RAD51: variants seen among roughly 807,000 people sequenced by gnomAD.
The protein encoded by RAD51 is RAD51 recombinase.
Under a neutral mutation model 41.5 loss-of-function variants are expected in RAD51, and 14 were observed. The ratio of observed to expected loss-of-function variants is 0.34; its 90% CI spans 0.22 to 0.53. The LOEUF (loss-of-function observed/expected upper bound fraction) is 0.53, where lower values mean the gene tolerates loss of function less well. Among genes scored for constraint, RAD51 ranks in the 20% least tolerant of loss-of-function variants. The pLI is 0.95. For missense variants in RAD51, 234 were observed against 422.0 expected, an observed-to-expected ratio of 0.55 and a Z score of 3.90; for synonymous variants, 136 against 148.6, an observed-to-expected ratio of 0.92 and a Z score of 0.62.
chr15:40,695,784 A>G (rs1165452079), intron 1 of RAD51: 4 of 152,218 alleles, frequency 2.6e-5, no homozygotes, highest in South Asian at 2.1e-4. Context: ...GAAAGTACCA[A>G]TCTCCGATTG....
intron 5 of RAD51, among the ~76,000 whole-genome samples, chr15:40,716,807 G>A (rs1430022196): frequency 2.0e-5 from 3 of 150,564 alleles, no homozygotes; most frequent in African/African-American, 4.9e-5. Context: ...ACTACAGGTG[G>A]CCGCCACCAC....
chr15:40,730,608 G>A lies in RAD51; in HGVS notation c.897-447G>A, dbSNP rs1367912416. On this transcript the variant is annotated intron_variant, in intron 9 of 9. Transcript: ENST00000267868. ...ACGATCTCGGCTCACTGCAAGCTCC[G>A]CCTCCCGGGTTCACACCATTCTCCT... Among the ~76,000 whole-genome samples, 3 of 134,038 alleles carry A rather than the reference G, an allele frequency of 2.2e-5. No individual in the cohort carries two copies. The East Asian group carries it at 7.5e-4, about 33-fold the overall frequency. 87.9% of individuals were successfully genotyped at this position (134,038 alleles called of 152,430 possible).
intron 6 of RAD51, among the ~76,000 whole-genome samples, chr15:40,720,099 A>G (rs1896196291): frequency 6.6e-6 from 1 of 152,100 alleles, no homozygotes. Context: ...GCCCTGCTAA[A>G]GGGCATCTGT....
chr15:40,696,863 C>CATCT (rs1053147849), intron 1 of RAD51, among the ~76,000 whole-genome samples: 1 of 152,136 alleles, frequency 6.6e-6, no homozygotes, highest in Non-Finnish European at 1.5e-5. Context: ...TGATGTTGGA[C>CATCT]ATCTGTTCAT....
chr15:40,722,420 A>C (rs1278237006), intron 6 of RAD51, among the ~76,000 whole-genome samples: 21 of 149,980 alleles, frequency 1.4e-4, no homozygotes, highest in Admixed American at 1.3e-4. Context: ...GCTCGGGGAA[A>C]AAAAAAAAAA....
intron 6 of RAD51, among the ~76,000 whole-genome samples, chr15:40,726,257 T>C (rs891032245): frequency 6.6e-6 from 1 of 151,178 alleles, no homozygotes; most frequent in Non-Finnish European, 1.5e-5. Context: ...TTTTTTTTTT[T>C]TTTGAGACGG....
intron 6 of RAD51, among the ~76,000 whole-genome samples, chr15:40,724,271 C>T (rs976228325): frequency 6.6e-6 from 1 of 152,166 alleles, no homozygotes; most frequent in African/African-American, 2.4e-5. Flanking sequence ...TTTTGGCAAT[C>T]ATGTACAGCA....
chr15:40,706,329 A>C (rs755324944), intron 4 of RAD51, 35 bp downstream of exon 4: 1 of 1,478,116 alleles, frequency 6.8e-7, no homozygotes, highest in Non-Finnish European at 9.5e-7. Flanking sequence ...TGTGAACTCT[A>C]GTTAGGAAAG....
chr15:40,730,662 C>T (rs2141885936), intron 9 of RAD51, among the ~76,000 whole-genome samples: 1 of 151,136 alleles, frequency 6.6e-6, no homozygotes, highest in East Asian at 2.0e-4. Context: ...GCTGGGACTA[C>T]AGGCACCCGC....
At chr15:40,697,786 G>T (rs2928139) in intron 1 of RAD51, among the ~76,000 whole-genome samples, 6 of 151,838 alleles carry the variant, frequency 4.0e-5, no homozygotes, top group Admixed American at 6.6e-5. Flanking sequence ...CTCCTGACCT[G>T]GTGATCCACC....
At chr15:40,711,146 G>A (rs1895686342) in intron 5 of RAD51, among the ~76,000 whole-genome samples, 1 of 152,196 alleles carries the variant, frequency 6.6e-6, no homozygotes, top group Non-Finnish European at 1.5e-5. Flanking sequence ...TGTAATCCCA[G>A]TACTTTGGGA....
intron 6 of RAD51, among the ~76,000 whole-genome samples, chr15:40,724,510 T>A (rs893359980): frequency 2.1e-4 from 32 of 152,004 alleles, no homozygotes; most frequent in African/African-American, 7.7e-4. Context: ...AAATTTTTTG[T>A]TGTTTGTTTT....
At chr15:40,706,836 T>TA (rs1408690729) in intron 4 of RAD51, among the ~76,000 whole-genome samples, 2 of 152,142 alleles carry the variant, frequency 1.3e-5, no homozygotes, top group African/African-American at 4.8e-5. Context: ...GTTAAGAGAG[T>TA]AAGCTCCTTT....
rs142701178 is a variant in RAD51, at chr15:40,729,531, C to G, written c.671C>G (p.Ala224Gly). The part of the protein sequence containing the change: ...SRYALLIVDS[A>G]TALYRTDYSG... Reference sequence around the variant, plus strand: ...TATGCACTGCTTATTGTAGACAGTGCCACCGCCCTTTACAGAACAGACTAC... The same window carrying G: ...TATGCACTGCTTATTGTAGACAGTGGCACCGCCCTTTACAGAACAGACTAC... The change falls in exon 8 of 10, where the codon GCC becomes GGC. Residue 224 changes from alanine (A) to glycine (G), a missense_variant. Coordinates refer to ENST00000267868, the MANE Select transcript of RAD51 (RefSeq NM_002875.5). 203 of 1,613,808 alleles carry G rather than the reference C, an allele frequency of 1.3e-4. 1 individual carries two copies. Among genetic ancestry groups the G allele is most frequent in the Admixed American group, 3.8e-4 (23 of 59,982 alleles).
chr15:40,726,344 C>T (rs1179658356), intron 6 of RAD51, among the ~76,000 whole-genome samples: 2 of 150,714 alleles, frequency 1.3e-5, no homozygotes, highest in Admixed American at 6.6e-5. Flanking sequence ...CTCCGCCTCT[C>T]GGGTTCAAGC....
chr15:40,721,318 C>A (rs891341261), intron 6 of RAD51, among the ~76,000 whole-genome samples: 1 of 151,836 alleles, frequency 6.6e-6, no homozygotes, highest in African/African-American at 2.4e-5. Flanking sequence ...TGCAAAGGAC[C>A]CAGAATAGCC....
rs114213620 is a variant in RAD51, at chr15:40,700,147, A to G, written c.88-917A>G. 8.5e-3 allele frequency among the ~76,000 whole-genome samples: 1,296 copies of G among 152,294 alleles called. 18 individuals carry two copies. Among genetic ancestry groups the G allele is most frequent in the African/African-American group, 0.029 (1,226 of 41,570 alleles). On this transcript the variant is annotated intron_variant, in intron 2 of 9. Transcript: ENST00000267868. ...GGCAAACTAATCTCTCCCCTCTTCT[A>G]AATTCTCCCAACCCCTGAATGCACC...
intron 9 of RAD51, 45 bp downstream of exon 9, chr15:40,730,019 TA>T: frequency 6.2e-7 from 1 of 1,605,292 alleles, no homozygotes; most frequent in South Asian, 1.1e-5. Flanking sequence ...AATGTCATAT[TA>T]ACTGTGAAGA....
intron 4 of RAD51, 30 bp downstream of exon 4, chr15:40,706,324 A>G (rs766894697): frequency 1.3e-6 from 2 of 1,517,022 alleles, no homozygotes; most frequent in Admixed American, 3.3e-5. Flanking sequence ...TGTGTTGTGA[A>G]CTCTAGTTAG....
Sources: allele counts gnomAD v4.1 joint callset (sites outside exome capture counted in the v4.1 genomes callset), GRCh38; gene constraint gnomAD v4.1.1; transcripts MANE v1.5; gene names NCBI Gene and HGNC (gene_info 2026-07-23, HGNC 2026-07-21).